Variants in RAB9B observed in about 807,000 individuals in gnomAD.
The protein encoded by RAB9B is RAB9B, member RAS oncogene family, also known as ras-related protein Rab-9B.
A neutral mutation model predicts 8.9 loss-of-function variants in RAB9B; 1 was observed. The ratio of observed to expected loss-of-function variants is 0.11; its 90% CI spans 0.04 to 0.53. The LOEUF (loss-of-function observed/expected upper bound fraction) is 0.53, where lower values mean the gene tolerates loss of function less well. Ranked by LOEUF, RAB9B falls within the 20% of genes least tolerant of loss-of-function variation. The pLI, the probability that RAB9B is intolerant of heterozygous loss-of-function variation, is 0.93. For missense variants in RAB9B, 82 were observed against 152.9 expected (o/e 0.54, Z 2.45); for synonymous variants, 63 against 57.0 (o/e 1.10, Z -0.47).
the RAB9B span, chrX:103,790,653 C>A: frequency 1.2e-6 from 1 of 869,486 alleles, no homozygotes; most frequent in Non-Finnish European, 1.7e-6. Context: ...ACACAGCCTA[C>A]AATGCTGCGT....
chrX:103,778,313 G>A, the RAB9B span, among the ~76,000 whole-genome samples: 1 of 112,278 alleles, frequency 8.9e-6, no homozygotes, highest in African/African-American at 3.2e-5. Flanking sequence ...AGACAATAAT[G>A]TGTATACAGG....
At chrX:103,784,149 G>A in the RAB9B span, among the ~76,000 whole-genome samples, 1 of 111,545 alleles carries the variant, frequency 9.0e-6, no homozygotes, top group Admixed American at 9.5e-5. Flanking sequence ...GAACACAGCT[G>A]CTTTCAGAGC....
the RAB9B span, among the ~76,000 whole-genome samples, chrX:103,814,615 C>CA: frequency 1.2e-4 from 13 of 110,508 alleles, no homozygotes; most frequent in African/African-American, 4.3e-4. Flanking sequence ...GATAGAGACA[C>CA]AAAAAACCCT....
the RAB9B span, among the ~76,000 whole-genome samples, chrX:103,784,881 G>A: frequency 8.9e-6 from 1 of 111,936 alleles, no homozygotes; most frequent in African/African-American, 3.2e-5. Flanking sequence ...GCATAATGCT[G>A]GGCATATAGT....
At chrX:103,798,662 A>G in the RAB9B span, among the ~76,000 whole-genome samples, 2 of 95,877 alleles carry the variant, frequency 2.1e-5, no homozygotes, top group Non-Finnish European at 4.1e-5. Flanking sequence ...TTTTTTTTTG[A>G]GATGGAGTCT....
rs1005868564 is a variant in RAB9B, at chrX:103,824,457, T to C, written c.*722A>G. 3 of 112,373 alleles carry C rather than the reference T, an allele frequency of 2.7e-5. No individual in the cohort carries two copies. Among genetic ancestry groups the C allele is most frequent in the Non-Finnish European group, 3.8e-5 (2 of 53,290 alleles). 9.3% of individuals were successfully genotyped at this position (112,373 alleles called of 1,213,427 possible). A position where few individuals can be genotyped will look rare whatever the true frequency, so the allele number is the denominator to read the frequency against. Reference sequence around the variant, plus strand: ...AGGAATTAAAAGCAGACCAACCATTTATTTGCAAAGGTGGTTGGCATATTT... The same window carrying C: ...AGGAATTAAAAGCAGACCAACCATTCATTTGCAAAGGTGGTTGGCATATTT... On this transcript the variant is annotated 3_prime_UTR_variant, in exon 3 of 3. Coordinates refer to ENST00000243298, the MANE Select transcript of RAB9B (RefSeq NM_016370.4).
the RAB9B span, among the ~76,000 whole-genome samples, chrX:103,808,393 C>T: frequency 1.8e-5 from 2 of 111,902 alleles, no homozygotes; most frequent in African/African-American, 3.3e-5. Flanking sequence ...CAGAGAGCCT[C>T]GTTCTCCAGA....
In RAB9B at chrX:103,823,400, G is replaced by A. The variant is rs2074670646; in HGVS notation, c.*1779C>T. The stretch of plus-strand genomic sequence containing the variant: ...TTGAGTATGACTGAGTTGAAATACT[G>A]TCCTCTTCTTTTCTATTTGGCCAAT... On this transcript the variant is annotated 3_prime_UTR_variant, in exon 3 of 3. Transcript: ENST00000243298. 9.0e-6 allele frequency: 1 copy of A among 111,414 alleles called. No individual in the cohort carries two copies. Among genetic ancestry groups the A allele is most frequent in the South Asian group, 3.8e-4 (1 of 2,625 alleles). 9.2% of individuals were successfully genotyped at this position (111,414 alleles called of 1,213,427 possible). A position where few individuals can be genotyped will look rare whatever the true frequency, so the allele number is the denominator to read the frequency against.
Position 103,825,757 on chromosome X carries a change from C to T in RAB9B, c.28G>A (p.Val10Ile), listed in dbSNP as rs1569435472. 2.5e-6 allele frequency: 3 copies of T among 1,185,825 alleles called. No homozygotes were observed. Among genetic ancestry groups the T allele is most frequent in the Admixed American group, 4.7e-5 (2 of 42,909 alleles). ...ACTCCACCATCACCCAAGAGAATGACCTTTAAGAGCAGGGATTTCCCACTC... is the reference window on the plus strand; with the variant it reads ...ACTCCACCATCACCCAAGAGAATGATCTTTAAGAGCAGGGATTTCCCACTC... Reference protein sequence around the residue: MSGKSLLLKVILLGDGGVGK... With the variant: MSGKSLLLKIILLGDGGVGK... The change falls in exon 3 of 3, where the codon GTC becomes ATC. Residue 10 changes from valine to isoleucine, a missense_variant. By Grantham distance (29) the Val-to-Ile change is conservative. Coordinates refer to ENST00000243298, the MANE Select transcript of RAB9B (RefSeq NM_016370.4).
the RAB9B span, among the ~76,000 whole-genome samples, chrX:103,800,726 T>C: frequency 8.9e-6 from 1 of 111,796 alleles, no homozygotes; most frequent in South Asian, 3.8e-4. Flanking sequence ...TGGCAAAAAC[T>C]TGGAGAAATA....
At chrX:103,784,572 T>C in the RAB9B span, among the ~76,000 whole-genome samples, 1 of 112,061 alleles carries the variant, frequency 8.9e-6, no homozygotes, top group Non-Finnish European at 1.9e-5. Flanking sequence ...AATCAAGCAT[T>C]CTTTGCAACA....
At chrX:103,778,950 C>G in the RAB9B span, among the ~76,000 whole-genome samples, 3 of 111,848 alleles carry the variant, frequency 2.7e-5, no homozygotes, top group African/African-American at 9.8e-5. Context: ...TTACAACAAC[C>G]AATTAAATGT....
rs1400077875 is a variant in RAB9B, at chrX:103,824,575, A to AT, written c.*603dup. ...TTAGAGTATCTCTTATTGAGATGGG[A>AT]TTTTTTGAAAAGCTCAGATGGGAGC... On this transcript the variant is annotated 3_prime_UTR_variant, in exon 3 of 3. Transcript: ENST00000243298. The AT allele has an allele frequency of 4.5e-5, 5 of 112,180 alleles. No individual in the cohort carries two copies. Among genetic ancestry groups the AT allele is most frequent in the Non-Finnish European group, 7.5e-5 (4 of 53,238 alleles). 9.2% of individuals were successfully genotyped at this position (112,180 alleles called of 1,213,427 possible). A position where few individuals can be genotyped will look rare whatever the true frequency, so the allele number is the denominator to read the frequency against.
chrX:103,828,716 T>C (rs1282591437), intron 1 of RAB9B, among the ~76,000 whole-genome samples: 1 of 112,005 alleles, frequency 8.9e-6, no homozygotes, highest in African/African-American at 3.3e-5. Context: ...CCAGGAATAA[T>C]GATGATGTAT....
downstream of RAB9B, among the ~76,000 whole-genome samples, chrX:103,818,880 G>A (rs2074649558): frequency 9.0e-6 from 1 of 111,494 alleles, no homozygotes; most frequent in East Asian, 2.8e-4. Flanking sequence ...TACGGTGGAT[G>A]TGTATGGCTT....
the RAB9B span, among the ~76,000 whole-genome samples, chrX:103,811,064 A>C: frequency 8.9e-6 from 1 of 111,807 alleles, no homozygotes; most frequent in Non-Finnish European, 1.9e-5. Context: ...AGTCATAAGA[A>C]GTCAGAATTT....
the RAB9B span, among the ~76,000 whole-genome samples, chrX:103,802,449 T>C: frequency 8.9e-6 from 1 of 111,735 alleles, no homozygotes; most frequent in Non-Finnish European, 1.9e-5. Flanking sequence ...ATTTTTCTAG[T>C]TGGATACATA....
chrX:103,805,641 C>G, the RAB9B span, among the ~76,000 whole-genome samples: 1 of 111,540 alleles, frequency 9.0e-6, no homozygotes, highest in African/African-American at 3.3e-5. Context: ...AATTTAATCT[C>G]TAAAATTTTC....
At chrX:103,788,471 T>C in the RAB9B span, 1 of 1,209,818 alleles carries the variant, frequency 8.3e-7, no homozygotes, top group South Asian at 1.8e-5. Flanking sequence ...CTGGCAAGGT[T>C]TGTGGCTCCA....
Sources: allele counts gnomAD v4.1 joint callset (sites outside exome capture counted in the v4.1 genomes callset), GRCh38; gene constraint gnomAD v4.1.1; transcripts MANE v1.5; gene names NCBI Gene and HGNC (gene_info 2026-07-23, HGNC 2026-07-21).